NPAS3: variants seen among roughly 807,000 people sequenced by gnomAD.
NPAS3 encodes neuronal PAS domain protein 3, also known as neuronal PAS domain-containing protein 3.
In NPAS3, 14 loss-of-function variants were observed where a neutral mutation model predicts 73.1. The ratio of observed to expected loss-of-function variants is 0.19; its 90% CI spans 0.13 to 0.30. The LOEUF is 0.30. Among genes scored for constraint, NPAS3 ranks in the 10% least tolerant of loss-of-function variants. The pLI is 1.00. For synonymous variants in NPAS3, 620 were observed against 541.5 expected (o/e 1.14, Z -2.01); for missense variants, 1,096 against 1,250.0 (o/e 0.88, Z 1.86).
At chr14:33,558,368 C>T (rs574775641) in intron 4 of NPAS3, among the ~76,000 whole-genome samples, 1 of 152,056 alleles carries the variant, frequency 6.6e-6, no homozygotes, top group East Asian at 1.9e-4. Context: ...TCAAGTGATT[C>T]TTGTGCCTCA....
intron 4 of NPAS3, among the ~76,000 whole-genome samples, chr14:33,547,322 C>G (rs575612918): frequency 6.6e-6 from 1 of 152,246 alleles, no homozygotes; most frequent in African/African-American, 2.4e-5. Flanking sequence ...AGGGTCAAGG[C>G]TAGAATGAGC....
At chr14:33,242,687 CT>C in intron 3 of NPAS3, among the ~76,000 whole-genome samples, 1 of 151,998 alleles carries the variant, frequency 6.6e-6, no homozygotes, top group Non-Finnish European at 1.5e-5. Context: ...TTTCTAATCT[CT>C]TGATAGCTTT....
At chr14:33,070,661 G>T (rs2041454796) in intron 2 of NPAS3, among the ~76,000 whole-genome samples, 1 of 152,154 alleles carries the variant, frequency 6.6e-6, no homozygotes, top group Non-Finnish European at 1.5e-5. Flanking sequence ...ATGGCGTAGG[G>T]GTCAGAGCAC....
intron 5 of NPAS3, among the ~76,000 whole-genome samples, chr14:33,566,470 A>G (rs1315978068): frequency 6.6e-6 from 1 of 152,036 alleles, no homozygotes; most frequent in Admixed American, 6.6e-5. Context: ...CCACCCTTCC[A>G]AATAGGCAAA....
intron 4 of NPAS3, among the ~76,000 whole-genome samples, chr14:33,432,704 C>T (rs1040738426): frequency 1.3e-5 from 2 of 152,132 alleles, no homozygotes; most frequent in African/African-American, 4.8e-5. Flanking sequence ...GATTGAAACT[C>T]TATCGTTGCA....
chr14:33,679,703 G>A (rs2059878402), intron 6 of NPAS3, among the ~76,000 whole-genome samples: 2 of 152,124 alleles, frequency 1.3e-5, no homozygotes, highest in African/African-American at 4.8e-5. Context: ...ATAACATTTG[G>A]CATTATAATA....
At chr14:33,419,638 G>A (rs1356003761) in intron 4 of NPAS3, among the ~76,000 whole-genome samples, 2 of 151,878 alleles carry the variant, frequency 1.3e-5, no homozygotes, top group Admixed American at 6.6e-5. Flanking sequence ...TTTCAGATAG[G>A]AAAATAAGAA....
intron 3 of NPAS3, among the ~76,000 whole-genome samples, chr14:33,235,479 T>C (rs547884103): frequency 6.6e-6 from 1 of 152,228 alleles, no homozygotes; most frequent in African/African-American, 2.4e-5. Flanking sequence ...AACTCTCTTA[T>C]TCCTTCCTTG....
At chr14:33,682,042 T>C (rs1247337071) in intron 6 of NPAS3, among the ~76,000 whole-genome samples, 32 of 152,228 alleles carry the variant, frequency 2.1e-4, no homozygotes. Context: ...GAATGGCAGT[T>C]TGTATGCAAT....
At chr14:33,285,731 C>T (rs557703582) in intron 3 of NPAS3, among the ~76,000 whole-genome samples, 2 of 152,368 alleles carry the variant, frequency 1.3e-5, no homozygotes, top group African/African-American at 4.8e-5. Context: ...TGTCTTGAGA[C>T]ATTTGTACCT....
intron 8 of NPAS3, among the ~76,000 whole-genome samples, chr14:33,775,999 T>C (rs1001457578): frequency 6.6e-6 from 1 of 152,196 alleles, no homozygotes; most frequent in African/African-American, 2.4e-5. Context: ...ACGTTGACTG[T>C]CTCATCCTCA....
chr14:33,157,822 A>G (rs2044703383), intron 2 of NPAS3, among the ~76,000 whole-genome samples: 1 of 152,194 alleles, frequency 6.6e-6, no homozygotes. Flanking sequence ...CAAGCTACTT[A>G]GTATCCCTGG....
intron 4 of NPAS3, among the ~76,000 whole-genome samples, chr14:33,410,821 T>C (rs147012308): frequency 1.1e-3 from 169 of 152,292 alleles, no homozygotes; most frequent in African/African-American, 3.9e-3. Context: ...AATTTTTGTA[T>C]TTTTAGTAGA....
intron 4 of NPAS3, among the ~76,000 whole-genome samples, chr14:33,459,827 A>C (rs775241249): frequency 2.6e-5 from 4 of 151,944 alleles, no homozygotes; most frequent in Non-Finnish European, 5.9e-5. Flanking sequence ...GTGCCCAAGA[A>C]CCCTCTTTCC....
Position 33,595,732 on chromosome 14 carries a change from G to A in NPAS3, c.558+35522G>A, listed in dbSNP as rs61972984. 9.5e-3 allele frequency among the ~76,000 whole-genome samples: 1,450 copies of A among 152,156 alleles called. 13 individuals are homozygous for A. The highest frequency in any genetic ancestry group is 0.016 in the Non-Finnish European group (1,057 of 68,006). On this transcript the variant is annotated intron_variant, in intron 5 of 11. Transcript: ENST00000356141. Reference sequence around the variant, plus strand: ...GTCGTCCAGGCTGGAGTGCAGTGGCGCGTTCTCGGCTCACTGCAAGATCCG... The same window carrying A: ...GTCGTCCAGGCTGGAGTGCAGTGGCACGTTCTCGGCTCACTGCAAGATCCG...
At chr14:32,986,821 A>AT (rs901229553) in intron 1 of NPAS3, among the ~76,000 whole-genome samples, 4 of 151,968 alleles carry the variant, frequency 2.6e-5, no homozygotes, top group African/African-American at 9.7e-5. Flanking sequence ...ATTTTACTTT[A>AT]TTTTTTTTAA....
intron 3 of NPAS3, among the ~76,000 whole-genome samples, chr14:33,364,765 T>TA (rs1453644955): frequency 6.6e-6 from 1 of 152,010 alleles, no homozygotes; most frequent in African/African-American, 2.4e-5. Context: ...CAGACTTGAA[T>TA]AACCGCCCCA....
chr14:33,759,356 C>T (rs1391165854), intron 7 of NPAS3, among the ~76,000 whole-genome samples: 1 of 152,194 alleles, frequency 6.6e-6, no homozygotes, highest in Non-Finnish European at 1.5e-5. Context: ...TTTACCAGTA[C>T]ATTCTGTCAA....
intron 4 of NPAS3, among the ~76,000 whole-genome samples, chr14:33,431,835 ATTAC>A (rs1334554651): frequency 1.3e-5 from 2 of 151,754 alleles, no homozygotes; most frequent in Non-Finnish European, 2.9e-5. Context: ...AACCCCACCT[ATTAC>A]TTACTCTATT....
Sources: gnomAD v4.1 joint callset for allele counts (sites outside exome capture counted in the v4.1 genomes callset) on GRCh38, gnomAD v4.1.1 for gene constraint, MANE v1.5 for transcripts, NCBI Gene and HGNC (gene_info 2026-07-23, HGNC 2026-07-21) for gene names.